The following DYTN variants were observed in gnomAD, a reference collection of about 807,000 sequenced individuals.
DYTN encodes the protein dystrotelin.
DYTN carries 75 observed loss-of-function variants against 69.6 expected under a neutral mutation model. The observed-to-expected ratio is 1.08, with a 90% confidence interval of 0.89 to 1.31. The LOEUF is 1.31. DYTN is among the 50% of genes most tolerant of loss of function. DYTN has a pLI of 0.00. For synonymous variants in DYTN, 252 were observed against 249.1 expected, an observed-to-expected ratio of 1.01 and a Z score of -0.11; for missense variants, 726 against 688.4, an observed-to-expected ratio of 1.05 and a Z score of -0.61.
intron 7 of DYTN, among the ~76,000 whole-genome samples, chr2:206,699,309 T>C (rs897451647): frequency 1.3e-5 from 2 of 152,148 alleles, no homozygotes; most frequent in African/African-American, 4.8e-5. Flanking sequence ...GGCATGTGCC[T>C]GTACCCCCAG....
chr2:206,705,077 C>T (rs1281244893), intron 4 of DYTN, 134 bp from the exon 5 acceptor site: 4 of 750,184 alleles, frequency 5.3e-6, no homozygotes, highest in Non-Finnish European at 6.6e-6. Flanking sequence ...TGATTATTGG[C>T]TAGCTATTAT....
At chr2:206,714,276 G>A (rs1296953223) in intron 1 of DYTN, among the ~76,000 whole-genome samples, 2 of 152,076 alleles carry the variant, frequency 1.3e-5, no homozygotes, top group East Asian at 3.9e-4. Context: ...GCGCAATCTC[G>A]GCTCACTGCT....
chr2:206,713,920 G>C (rs1313647759), intron 1 of DYTN, among the ~76,000 whole-genome samples: 1 of 152,202 alleles, frequency 6.6e-6, no homozygotes, highest in Non-Finnish European at 1.5e-5. Context: ...GGAGTTAGCA[G>C]GGTGTGCTGG....
chr2:206,705,764 C>T, intron 4 of DYTN, 24 bp downstream of exon 4: 2 of 1,609,284 alleles, frequency 1.2e-6, no homozygotes, highest in Non-Finnish European at 1.7e-6. Context: ...CACTTTAGGA[C>T]ACCCGCAGTC....
chr2:206,704,655 C>T (rs1700007353), intron 5 of DYTN, among the ~76,000 whole-genome samples, 188 bp downstream of exon 5: 1 of 152,088 alleles, frequency 6.6e-6, no homozygotes, highest in South Asian at 2.1e-4. Context: ...TAATTCATAA[C>T]CTTCTACTCA....
In DYTN at chr2:206,718,372, T is replaced by A; in HGVS notation, c.-93A>T. ...AGCAGAAGGTTTTGCAGCAGAGGAATGAGGACAGGGGAACAAAAAGGCAAC... is the reference window on the plus strand; with the variant it reads ...AGCAGAAGGTTTTGCAGCAGAGGAAAGAGGACAGGGGAACAAAAAGGCAAC... On this transcript the variant is annotated 5_prime_UTR_variant, in exon 1 of 12. Coordinates refer to ENST00000452335, the MANE Select transcript of DYTN (RefSeq NM_001093730.1). 2.1e-6 allele frequency: 3 copies of A among 1,414,988 alleles called. No individual in the cohort carries two copies. The highest frequency in any genetic ancestry group is 2.9e-6 in the Non-Finnish European group (3 of 1,031,218). 87.7% of individuals were successfully genotyped at this position (1,414,988 alleles called of 1,614,324 possible).
chr2:206,656,749 A>G (rs1574584666), intron 11 of DYTN, among the ~76,000 whole-genome samples: 1 of 149,000 alleles, frequency 6.7e-6, no homozygotes, highest in Non-Finnish European at 1.5e-5. Flanking sequence ...GTTCCCATAC[A>G]CTTTTCTAAA....
rs547444844 is a variant in DYTN at position 206,686,196 on chromosome 2, A to T, written c.980+6979T>A. Among the ~76,000 whole-genome samples the T allele has an allele frequency of 3.3e-5, 5 of 152,246 alleles. No homozygotes were observed. The East Asian group carries it at 5.8e-4, about 18-fold the overall frequency. On this transcript the variant is annotated intron_variant, in intron 9 of 11. Transcript: ENST00000452335. Reference sequence around the variant, plus strand: ...CAGCACAGCTCCAATGGCTGTCACAACAGGTTTTCTGTGCCTTTTTTGGTA... The same window carrying T: ...CAGCACAGCTCCAATGGCTGTCACATCAGGTTTTCTGTGCCTTTTTTGGTA...
At chr2:206,712,799 A>G (rs1700089266) in intron 1 of DYTN, among the ~76,000 whole-genome samples, 1 of 152,264 alleles carries the variant, frequency 6.6e-6, no homozygotes, top group Non-Finnish European at 1.5e-5. Context: ...GGCCCAGCCC[A>G]TCAGTGAGAG....
chr2:206,669,220 T>C (rs1699605583), intron 9 of DYTN, among the ~76,000 whole-genome samples: 1 of 152,242 alleles, frequency 6.6e-6, no homozygotes, highest in African/African-American at 2.4e-5. Flanking sequence ...CTACCACATA[T>C]ATCACAGGTC....
At chr2:206,717,331 C>G (rs2080419419) in intron 1 of DYTN, among the ~76,000 whole-genome samples, 1 of 152,080 alleles carries the variant, frequency 6.6e-6, no homozygotes, top group South Asian at 2.1e-4. Flanking sequence ...TTCAATGATC[C>G]AAAATAGATG....
intron 11 of DYTN, among the ~76,000 whole-genome samples, chr2:206,658,147 A>T (rs560694093): frequency 6.6e-6 from 1 of 151,894 alleles, no homozygotes; most frequent in East Asian, 1.9e-4. Flanking sequence ...CTTCTATTGA[A>T]ATTTTTAGTT....
chr2:206,703,874 G>A (rs374657532), intron 5 of DYTN, among the ~76,000 whole-genome samples: 5 of 152,146 alleles, frequency 3.3e-5, no homozygotes, highest in East Asian at 3.9e-4. Context: ...AAGGGTAAGG[G>A]TACAACAGGA....
At chr2:206,698,382 C>A (rs1026783005) in intron 7 of DYTN, among the ~76,000 whole-genome samples, 11 of 152,232 alleles carry the variant, frequency 7.2e-5, no homozygotes, top group Middle Eastern at 6.8e-3. Flanking sequence ...CCATGGGGAG[C>A]AATTTCAGTT....
chr2:206,710,441 G>A, intron 2 of DYTN, 83 bp downstream of exon 2: 2 of 1,281,022 alleles, frequency 1.6e-6, no homozygotes, highest in Non-Finnish European at 2.2e-6. Context: ...GCTGCATGGG[G>A]GGAGTGTTTG....
At position 206,707,366 on chromosome 2, in the gene DYTN, G is replaced by A. The variant is rs745782926; in HGVS notation, c.232C>T (p.Pro78Ser). ...ELFQKAREENPGQVHPRAPEL... is the reference protein window; with the variant it reads ...ELFQKAREENSGQVHPRAPEL... ...GGAGCTCTGGGATGCACTTGTCCTG[G>A]GTTTTCCTCCCTGGCCTTCTGAAAC... The change falls in exon 3 of 12, where the codon CCA (proline) becomes TCA (serine). Residue 78 changes from proline to serine, a missense_variant. By Grantham distance (74) the Pro-to-Ser change is moderately conservative. Coordinates refer to ENST00000452335, the MANE Select transcript of DYTN (RefSeq NM_001093730.1). The A allele has an allele frequency of 3.1e-6, 5 of 1,612,888 alleles. 1 individual carries two copies. The South Asian group carries it at 5.5e-5, about 18-fold the overall frequency.
chr2:206,714,967 T>C (rs775549163), intron 1 of DYTN, among the ~76,000 whole-genome samples: 7 of 152,034 alleles, frequency 4.6e-5, no homozygotes, highest in Non-Finnish European at 1.0e-4. Context: ...TCTCGTCTTA[T>C]TCAGCGTTTC....
chr2:206,674,268 C>A (rs13429656), intron 9 of DYTN, among the ~76,000 whole-genome samples: 21,134 of 151,884 alleles, frequency 0.14, 2,449 homozygotes, highest in African/African-American at 0.32. Flanking sequence ...GAGTTGAATT[C>A]AAATAGAAAT....
chr2:206,675,993 G>A (rs967614488), intron 9 of DYTN, among the ~76,000 whole-genome samples: 1 of 152,182 alleles, frequency 6.6e-6, no homozygotes. Context: ...GTGTAAATTA[G>A]TTCAACCATT....
Sources: gnomAD v4.1 joint callset for allele counts (sites outside exome capture counted in the v4.1 genomes callset) on GRCh38, gnomAD v4.1.1 for gene constraint, MANE v1.5 for transcripts, NCBI Gene and HGNC (gene_info 2026-07-23, HGNC 2026-07-21) for gene names.